Variants in LGR4 observed in about 807,000 individuals in gnomAD.
LGR4 encodes the protein leucine rich repeat containing G protein-coupled receptor 4, also known as leucine-rich repeat-containing G protein-coupled receptor 4.
LGR4 carries 44 observed loss-of-function variants against 84.8 expected under a neutral mutation model. The ratio of observed to expected loss-of-function variants is 0.52; its 90% CI spans 0.41 to 0.67. The LOEUF (loss-of-function observed/expected upper bound fraction) is 0.67, where lower values mean the gene tolerates loss of function less well. LGR4 is among the 30% of genes least tolerant of loss of function. LGR4 has a pLI of 0.00. For synonymous variants in LGR4, 429 were observed against 434.3 expected (o/e 0.99, Z 0.15); for missense variants, 1,032 against 1,131.4 (o/e 0.91, Z 1.26).
intron 10 of LGR4, among the ~76,000 whole-genome samples, 166 bp downstream of exon 10, chr11:27,380,105 C>T (rs1384951856): frequency 6.6e-6 from 1 of 152,200 alleles, no homozygotes; most frequent in African/African-American, 2.4e-5. Flanking sequence ...TCTGCCTAAG[C>T]TCACTGACCC....
At chr11:27,388,766 T>C (rs1697179425) in intron 4 of LGR4, among the ~76,000 whole-genome samples, 1 of 152,166 alleles carries the variant, frequency 6.6e-6, no homozygotes, top group South Asian at 2.1e-4. Flanking sequence ...TTACCAATAA[T>C]GTAAGTGTTA....
At chr11:27,392,552 A>T in intron 2 of LGR4, 34 bp from the exon 3 acceptor site, 1 of 1,518,012 alleles carries the variant, frequency 6.6e-7, no homozygotes, top group Non-Finnish European at 8.9e-7. Context: ...AGCAAGAAAA[A>T]AATAGTAATT....
intron 1 of LGR4, among the ~76,000 whole-genome samples, chr11:27,458,343 A>G (rs1864611605): frequency 6.6e-6 from 1 of 152,086 alleles, no homozygotes; most frequent in Non-Finnish European, 1.5e-5. Flanking sequence ...AGGTGAAGAG[A>G]GGAGATAACT....
intron 1 of LGR4, among the ~76,000 whole-genome samples, chr11:27,470,883 C>T (rs1864858250): frequency 6.6e-6 from 1 of 152,164 alleles, no homozygotes; most frequent in Non-Finnish European, 1.5e-5. Context: ...CCTTTGCCAC[C>T]ACCCACCTGG....
intron 1 of LGR4, among the ~76,000 whole-genome samples, chr11:27,457,946 G>A (rs890043645): frequency 6.6e-6 from 1 of 151,874 alleles, no homozygotes; most frequent in Admixed American, 6.6e-5. Context: ...GGGAAACACA[G>A]CAAGACCCCA....
At position 27,446,505 on chromosome 11, in the gene LGR4, G is replaced by C. The variant is rs555080198; in HGVS notation, c.185+25613C>G. On this transcript the variant is annotated intron_variant, in intron 1 of 17. Transcript: ENST00000379214. ...ATGAGATACCATCTCACACCAGTTAGAATGGCGATCATTAAAAAGTCAGGA... is the reference window on the plus strand; with the variant it reads ...ATGAGATACCATCTCACACCAGTTACAATGGCGATCATTAAAAAGTCAGGA... Among the ~76,000 whole-genome samples, 8 of 152,302 alleles carry C rather than the reference G, an allele frequency of 5.3e-5. No homozygotes were observed. The East Asian group carries it at 1.5e-3, about 29-fold the overall frequency.
At position 27,378,698 on chromosome 11, in the gene LGR4, A is replaced by G; in HGVS notation, c.1042T>C (p.Leu348=). 1.2e-6 allele frequency: 2 copies of G among 1,601,254 alleles called. No individual in the cohort carries two copies. Among genetic ancestry groups the G allele is most frequent in the Non-Finnish European group, 1.7e-6 (2 of 1,169,398 alleles). ...LCQEQKMLRT[L]DLSYNNIRDL... is the part of the protein sequence containing the mutation. Reference sequence around the variant, plus strand: ...GAAGGGAAGAAGAATCCAACTTACAAAGTCCTAAGCATCTTTTGTTCTTGA... The same window carrying G: ...GAAGGGAAGAAGAATCCAACTTACAGAGTCCTAAGCATCTTTTGTTCTTGA... The change falls in exon 11 of 18, where the codon TTG becomes CTG. Residue 348 remains leucine, a splice_region_variant and synonymous_variant. Coordinates refer to ENST00000379214, the MANE Select transcript of LGR4 (RefSeq NM_018490.5).
At chr11:27,466,183 T>C (rs1337767272) in intron 1 of LGR4, among the ~76,000 whole-genome samples, 1 of 152,230 alleles carries the variant, frequency 6.6e-6, no homozygotes, top group African/African-American at 2.4e-5. Flanking sequence ...AAGGCACATT[T>C]GGCAGGGTTT....
At chr11:27,441,922 A>T (rs1364443528) in intron 1 of LGR4, among the ~76,000 whole-genome samples, 1 of 152,218 alleles carries the variant, frequency 6.6e-6, no homozygotes, top group Non-Finnish European at 1.5e-5. Flanking sequence ...AAGCCAGTAG[A>T]TGACAGTATT....
In LGR4 at chr11:27,367,875, T is replaced by C. The variant is rs779235459; in HGVS notation, c.2848A>G (p.Lys950Glu). The stretch of plus-strand genomic sequence containing the variant: ...GTTACACACACAGTAGTTCAGTCTT[T>C]AACTCTTGGTAGATTGTAAGCATAG... ...VRYAYNLPRV[K>E]D Residue 950 changes from lysine (K) to glutamate (E), a missense_variant, in exon 18 of 18, where the codon AAA becomes GAA. Lys to Glu is a moderately conservative substitution (Grantham distance 56). Coordinates refer to ENST00000379214, the MANE Select transcript of LGR4 (RefSeq NM_018490.5). 6.9e-6 allele frequency: 11 copies of C among 1,586,870 alleles called. No homozygotes were observed. In the South Asian group the frequency reaches 1.3e-4, roughly 19 times the overall value.
At chr11:27,470,235 C>A (rs1433986127) in intron 1 of LGR4, among the ~76,000 whole-genome samples, 1 of 152,078 alleles carries the variant, frequency 6.6e-6, no homozygotes, top group Non-Finnish European at 1.5e-5. Context: ...TATTCTAAGG[C>A]CCAAAGTTGA....
intron 1 of LGR4, among the ~76,000 whole-genome samples, chr11:27,428,763 C>T (rs149249689): frequency 2.0e-5 from 3 of 151,814 alleles, no homozygotes; most frequent in Admixed American, 1.3e-4. Flanking sequence ...TGTTTTTTTA[C>T]GACATAGGCT....
Position 27,382,226 on chromosome 11 carries a change from A to C in LGR4, c.720T>G (p.Phe240Leu), listed in dbSNP as rs1863109317. 1 of 1,609,334 alleles carries C rather than the reference A, an allele frequency of 6.2e-7. No homozygotes were observed. Among genetic ancestry groups the C allele is most frequent in the Non-Finnish European group, 8.5e-7 (1 of 1,176,138 alleles). The change falls in exon 7 of 18, where the codon TTT (phenylalanine) becomes TTG (leucine). Residue 240 changes from phenylalanine (F) to leucine (L), a missense_variant. By Grantham distance (22) the Phe-to-Leu change is conservative. Coordinates refer to ENST00000379214, the MANE Select transcript of LGR4 (RefSeq NM_018490.5). ...TAGGAAGGGCTTTAATAGCCTGAGGAAATTCCCCCAAGTTATTATAATTCA... is the reference window on the plus strand; with the variant it reads ...TAGGAAGGGCTTTAATAGCCTGAGGCAATTCCCCCAAGTTATTATAATTCA... ...LDLNYNNLGE[F>L]PQAIKALPSL...
chr11:27,376,383 A>G lies in LGR4; in HGVS notation c.1110-13T>C, dbSNP rs752043994. ...ACGCTGTAAAGAACTAAATAAAAAA[A>G]GAAGAAGAAAGAAGACGAAGACAAA... On this transcript the variant is annotated splice_polypyrimidine_tract_variant and intron_variant, in intron 12 of 17. Transcript: ENST00000379214. 7.6e-7 allele frequency: 1 copy of G among 1,319,150 alleles called. No individual in the cohort carries two copies. Among genetic ancestry groups the G allele is most frequent in the Non-Finnish European group, 1.1e-6 (1 of 936,870 alleles). 81.7% of individuals were successfully genotyped at this position (1,319,150 alleles called of 1,614,324 possible).
chr11:27,470,427 C>T (rs983392650), intron 1 of LGR4, among the ~76,000 whole-genome samples: 15 of 152,180 alleles, frequency 9.9e-5, no homozygotes, highest in African/African-American at 3.1e-4. Context: ...AAGGTCTTTA[C>T]TACTGGTCAA....
At chr11:27,440,806 A>G (rs766661615) in intron 1 of LGR4, among the ~76,000 whole-genome samples, 1 of 152,178 alleles carries the variant, frequency 6.6e-6, no homozygotes, top group Non-Finnish European at 1.5e-5. Flanking sequence ...AGCAGCACCA[A>G]TATCACCTGG....
intron 1 of LGR4, among the ~76,000 whole-genome samples, chr11:27,464,320 G>A (rs758774979): frequency 6.6e-6 from 1 of 152,112 alleles, no homozygotes; most frequent in Non-Finnish European, 1.5e-5. Context: ...GGGCTTCTAG[G>A]CATACAGCTG....
At position 27,381,092 on chromosome 11, in the gene LGR4, G is replaced by A. The variant is rs974319774; in HGVS notation, c.759-126C>T. The A allele has an allele frequency of 1.1e-5, 6 of 555,620 alleles. No homozygotes were observed. The Admixed American group carries it at 1.9e-4, about 17-fold the overall frequency. 34.4% of individuals were successfully genotyped at this position (555,620 alleles called of 1,614,324 possible). On this transcript the variant is annotated intron_variant, in intron 7 of 17. Coordinates refer to ENST00000379214, the MANE Select transcript of LGR4 (RefSeq NM_018490.5). Reference sequence around the variant, plus strand: ...AATGACTACATGAAAATTTTCAAAAGCATAGGAAATCTCAAATTTTAATTT... The same window carrying A: ...AATGACTACATGAAAATTTTCAAAAACATAGGAAATCTCAAATTTTAATTT...
intron 2 of LGR4, among the ~76,000 whole-genome samples, chr11:27,397,088 C>G (rs1233966739): frequency 6.6e-6 from 1 of 152,118 alleles, no homozygotes; most frequent in East Asian, 1.9e-4. Context: ...AAGCATTTTC[C>G]CAAAGGCTCT....
Sources: allele counts gnomAD v4.1 joint callset (sites outside exome capture counted in the v4.1 genomes callset), GRCh38; gene constraint gnomAD v4.1.1; transcripts MANE v1.5; gene names NCBI Gene and HGNC (gene_info 2026-07-23, HGNC 2026-07-21).